Variants in PPP2R5E observed in about 807,000 individuals in gnomAD.
The protein encoded by PPP2R5E is serine/threonine-protein phosphatase 2A 56 kDa regulatory subunit epsilon isoform.
PPP2R5E carries 4 observed loss-of-function variants against 65.3 expected under a neutral mutation model. The ratio of observed to expected loss-of-function variants is 0.06; its 90% CI spans 0.03 to 0.14. The LOEUF (loss-of-function observed/expected upper bound fraction) is 0.14, where lower values mean the gene tolerates loss of function less well. Among genes scored for constraint, PPP2R5E ranks in the 10% least tolerant of loss-of-function variants. The pLI is 1.00. For synonymous variants in PPP2R5E, 183 were observed against 187.4 expected, an observed-to-expected ratio of 0.98 and a Z score of 0.19; for missense variants, 274 against 556.1, an observed-to-expected ratio of 0.49 and a Z score of 5.10.
At chr14:63,409,743 G>A (rs1215486795) in intron 5 of PPP2R5E, among the ~76,000 whole-genome samples, 1 of 152,188 alleles carries the variant, frequency 6.6e-6, no homozygotes. Context: ...ACACTGCCAA[G>A]TGAACTAAGC....
intron 2 of PPP2R5E, among the ~76,000 whole-genome samples, chr14:63,465,743 C>T (rs1889763552): frequency 6.6e-6 from 1 of 152,192 alleles, no homozygotes; most frequent in Non-Finnish European, 1.5e-5. Flanking sequence ...CATAACTTCT[C>T]TTCTGCACTT....
intron 2 of PPP2R5E, among the ~76,000 whole-genome samples, chr14:63,477,187 T>A (rs910913706): frequency 6.6e-6 from 1 of 152,078 alleles, no homozygotes; most frequent in Non-Finnish European, 1.5e-5. Flanking sequence ...AGACAGCATA[T>A]AATACTACTA....
chr14:63,404,778 T>C (rs1885972128), intron 5 of PPP2R5E, among the ~76,000 whole-genome samples: 3 of 152,194 alleles, frequency 2.0e-5, no homozygotes, highest in African/African-American at 7.2e-5. Context: ...AAGAAGTCCA[T>C]TTTTTTCCCC....
rs1460947553 is a variant in PPP2R5E, at chr14:63,527,919, T to C, written c.157+11610A>G. On this transcript the variant is annotated intron_variant, in intron 2 of 13. Transcript: ENST00000337537. ...CACTGCACTCCAGCCCAGGCGACAATGTAAGAAAAAAAAAAAAAAAGTCAA... is the reference window on the plus strand; with the variant it reads ...CACTGCACTCCAGCCCAGGCGACAACGTAAGAAAAAAAAAAAAAAAGTCAA... Among the ~76,000 whole-genome samples the C allele has an allele frequency of 2.1e-5, 3 of 142,766 alleles. No individual in the cohort carries two copies. The South Asian group carries it at 6.5e-4, about 31-fold the overall frequency. 93.7% of individuals were successfully genotyped at this position (142,766 alleles called of 152,430 possible). A position where few individuals can be genotyped will look rare whatever the true frequency, so the allele number is the denominator to read the frequency against.
intron 2 of PPP2R5E, among the ~76,000 whole-genome samples, chr14:63,456,747 G>A (rs915641900): frequency 6.6e-6 from 1 of 152,210 alleles, no homozygotes; most frequent in South Asian, 2.1e-4. Context: ...CACAGTGAAA[G>A]ACCAGAGTGA....
At chr14:63,444,188 CA>C (rs1888368234) in intron 3 of PPP2R5E, among the ~76,000 whole-genome samples, 1 of 152,206 alleles carries the variant, frequency 6.6e-6, no homozygotes, top group African/African-American at 2.4e-5. Context: ...AACACTGTAA[CA>C]ACGTAGCATG....
chr14:63,405,843 A>T (rs1886046864), intron 5 of PPP2R5E, among the ~76,000 whole-genome samples: 1 of 152,240 alleles, frequency 6.6e-6, no homozygotes, highest in Admixed American at 6.5e-5. Flanking sequence ...CTACATAGTC[A>T]TAGCTCTAGA....
At chr14:63,461,551 TTTGGGA>T (rs1374091023) in intron 2 of PPP2R5E, among the ~76,000 whole-genome samples, 2 of 151,924 alleles carry the variant, frequency 1.3e-5, no homozygotes, top group Non-Finnish European at 2.9e-5. Context: ...ATCCCAGCAC[TTTGGGA>T]GGCCAAGGTG....
intron 13 of PPP2R5E, among the ~76,000 whole-genome samples, chr14:63,380,425 G>A (rs920919012): frequency 6.6e-6 from 1 of 152,142 alleles, no homozygotes; most frequent in African/African-American, 2.4e-5. Flanking sequence ...CACTTTGGGA[G>A]GCCGAGGCAG....
chr14:63,422,582 C>T (rs1333512114), intron 3 of PPP2R5E, among the ~76,000 whole-genome samples: 1 of 151,928 alleles, frequency 6.6e-6, no homozygotes, highest in East Asian at 1.9e-4. Flanking sequence ...AAAAATTAGC[C>T]GGGCGAGGTG....
intron 3 of PPP2R5E, chr14:63,451,560 G>A (rs959381833): frequency 1.1e-4 from 16 of 152,322 alleles, no homozygotes; most frequent in African/African-American, 3.9e-4. Context: ...AGTTGAAGGT[G>A]GTGGGTGATG....
Position 63,389,642 on chromosome 14 carries a change from G to A in PPP2R5E, c.1044C>T (p.Ile348=), listed in dbSNP as rs533135316. The A allele has an allele frequency of 1.1e-5, 18 of 1,610,906 alleles. No individual in the cohort carries two copies. In the East Asian group the frequency reaches 1.6e-4, roughly 14 times the overall value. ...VKIQEPLFKQ[I]AKCVSSPHFQ... The stretch of plus-strand genomic sequence containing the variant: ...AATGGGGGCTAGATACACACTTGGC[G>A]ATTTGTTTAAACAAAGGTTCTTGGA... The change falls in exon 11 of 14, where the codon ATC becomes ATT. Residue 348 remains isoleucine (I), a synonymous_variant. Coordinates refer to ENST00000337537, the MANE Select transcript of PPP2R5E (RefSeq NM_006246.5).
chr14:63,390,344 T>C (rs1884948367), intron 10 of PPP2R5E, among the ~76,000 whole-genome samples: 1 of 149,910 alleles, frequency 6.7e-6, no homozygotes, highest in Non-Finnish European at 1.5e-5. Context: ...ACGCTTGCTC[T>C]CTACAAAGCA....
At chr14:63,439,357 T>TA (rs1888092943) in intron 3 of PPP2R5E, among the ~76,000 whole-genome samples, 1 of 151,874 alleles carries the variant, frequency 6.6e-6, no homozygotes, top group Admixed American at 6.6e-5. Flanking sequence ...CTGGTCTGTT[T>TA]TTTTTTTTTG....
chr14:63,451,176 C>G (rs1208612518), intron 3 of PPP2R5E: 1 of 152,132 alleles, frequency 6.6e-6, no homozygotes, highest in African/African-American at 2.4e-5. Context: ...TAAACATACT[C>G]TTACCATACA....
At chr14:63,468,258 CT>C (rs72306966) in intron 2 of PPP2R5E, among the ~76,000 whole-genome samples, 8,155 of 152,044 alleles carry the variant, frequency 0.054, 589 homozygotes, top group African/African-American at 0.17. Context: ...CAATGCCAGT[CT>C]TTTTTTTCAA....
chr14:63,482,704 A>G (rs573858596), intron 2 of PPP2R5E, among the ~76,000 whole-genome samples: 13 of 152,312 alleles, frequency 8.5e-5, no homozygotes, highest in Admixed American at 8.5e-4. Flanking sequence ...CTGAATGCAT[A>G]AAAATCTTAA....
Position 63,426,660 on chromosome 14 carries a change from A to G in PPP2R5E, c.355-4566T>C, listed in dbSNP as rs558937412. 1.2e-4 allele frequency among the ~76,000 whole-genome samples: 18 copies of G among 145,856 alleles called. No individual in the cohort carries two copies. The South Asian group carries it at 4.0e-3, about 33-fold the overall frequency. ...TATAAGACTACTGCTGTCAAGCGAG[A>G]GTTAAGAATCACAGCCTCCAGGAGT... On this transcript the variant is annotated intron_variant, in intron 3 of 13. Transcript: ENST00000337537.
chr14:63,396,522 T>A, intron 6 of PPP2R5E, 64 bp downstream of exon 6: 1 of 1,552,410 alleles, frequency 6.4e-7, no homozygotes, highest in Non-Finnish European at 8.7e-7. Context: ...TATTTGAGAT[T>A]TACTTAATAC....
Sources: gnomAD v4.1 joint callset for allele counts (sites outside exome capture counted in the v4.1 genomes callset) on GRCh38, gnomAD v4.1.1 for gene constraint, MANE v1.5 for transcripts, NCBI Gene and HGNC (gene_info 2026-07-23, HGNC 2026-07-21) for gene names.